Variants in NUBPL observed in about 807,000 individuals in gnomAD.
NUBPL encodes iron-sulfur cluster transfer protein NUBPL.
In NUBPL, 31 loss-of-function variants were observed where a neutral mutation model predicts 45.7. That is an observed-to-expected ratio of 0.68 (90% CI 0.51 to 0.92). The LOEUF is 0.92. Ranked by LOEUF, NUBPL falls within the 40% of genes least tolerant of loss-of-function variation. NUBPL has a pLI of 0.00. For missense variants in NUBPL, 401 were observed against 398.7 expected, an observed-to-expected ratio of 1.01 and a Z score of -0.05; for synonymous variants, 144 against 140.9, an observed-to-expected ratio of 1.02 and a Z score of -0.15.
Position 31,833,932 on chromosome 14 carries a change from A to G in NUBPL, c.693+7218A>G, listed in dbSNP as rs145280381. On this transcript the variant is annotated intron_variant, in intron 8 of 10. Transcript: ENST00000281081. Reference sequence around the variant, plus strand: ...TTAGTTGTGTGCCAAGGAAGATGAGATCATGAATTTTGGTGAGCAGCTAGC... The same window carrying G: ...TTAGTTGTGTGCCAAGGAAGATGAGGTCATGAATTTTGGTGAGCAGCTAGC... 2.4e-4 allele frequency among the ~76,000 whole-genome samples: 36 copies of G among 152,290 alleles called. No individual in the cohort carries two copies. The East Asian group carries it at 5.0e-3, about 21-fold the overall frequency.
rs189356546 is a variant in NUBPL, at chr14:31,716,431, T to C, written c.513+42857T>C. ...TTTGTTTATACCAGCATAACCACACTTATGAGTAATTTGTTGTGCTATGAT... is the reference window on the plus strand; with the variant it reads ...TTTGTTTATACCAGCATAACCACACCTATGAGTAATTTGTTGTGCTATGAT... On this transcript the variant is annotated intron_variant, in intron 6 of 10. Transcript: ENST00000281081. Among the ~76,000 whole-genome samples, 16 of 152,296 alleles carry C rather than the reference T, an allele frequency of 1.1e-4. No individual in the cohort carries two copies. In the East Asian group the frequency reaches 2.1e-3, roughly 20 times the overall value.
chr14:31,568,956 T>C (rs1548057), intron 3 of NUBPL, among the ~76,000 whole-genome samples: 80,582 of 152,034 alleles, frequency 0.53, 22,304 homozygotes, highest in African/African-American at 0.7. Flanking sequence ...TAATTTTTAT[T>C]TTAATATTTG....
At chr14:31,787,667 T>C (rs1248962489) in intron 6 of NUBPL, 113 bp from the exon 7 acceptor site, 5 of 741,740 alleles carry the variant, frequency 6.7e-6, no homozygotes, top group Non-Finnish European at 1.2e-5. Context: ...TACCTAGCAA[T>C]GGCTCAAGCG....
rs181684362 is a variant in NUBPL at position 31,572,643 on chromosome 14, C to T, written c.291+7595C>T. ...TGGTATGGGATGGAGGTGTTTGTTG[C>T]GACTTAGTGGCCTACACACTGTTCT... On this transcript the variant is annotated intron_variant, in intron 3 of 10. Transcript: ENST00000281081. Among the ~76,000 whole-genome samples the T allele has an allele frequency of 2.7e-4, 41 of 152,178 alleles. No homozygotes were observed. In the East Asian group the frequency reaches 6.8e-3, roughly 25 times the overall value.
chr14:31,759,993 T>C (rs1193333004), intron 6 of NUBPL, among the ~76,000 whole-genome samples: 2 of 151,552 alleles, frequency 1.3e-5, no homozygotes, highest in Admixed American at 1.3e-4. Context: ...TATGGGTTTT[T>C]TGGGACATAA....
At chr14:31,659,232 T>G (rs182855566) in intron 4 of NUBPL, among the ~76,000 whole-genome samples, 1 of 152,350 alleles carries the variant, frequency 6.6e-6, no homozygotes, top group African/African-American at 2.4e-5. Context: ...TACTGGTTTT[T>G]GTTTTTTGGA....
intron 7 of NUBPL, among the ~76,000 whole-genome samples, chr14:31,821,369 T>G (rs552997083): frequency 5.3e-5 from 8 of 152,262 alleles, no homozygotes; most frequent in Non-Finnish European, 1.2e-4. Context: ...TGTTTAAAAA[T>G]TGGCAAAAGA....
intron 6 of NUBPL, among the ~76,000 whole-genome samples, chr14:31,688,379 CA>C (rs2037004797): frequency 6.6e-6 from 1 of 151,824 alleles, no homozygotes; most frequent in Non-Finnish European, 1.5e-5. Flanking sequence ...AGTTTGAGAC[CA>C]GCCTGGCCAA....
At chr14:31,804,808 T>A (rs1431174514) in intron 7 of NUBPL, among the ~76,000 whole-genome samples, 1 of 152,100 alleles carries the variant, frequency 6.6e-6, no homozygotes, top group East Asian at 1.9e-4. Context: ...AAGACTTAAA[T>A]GTAAAACCCA....
At chr14:31,785,499 C>T (rs899052667) in intron 6 of NUBPL, among the ~76,000 whole-genome samples, 2 of 152,120 alleles carry the variant, frequency 1.3e-5, no homozygotes, top group African/African-American at 2.4e-5. Flanking sequence ...AAATGTAAAT[C>T]GCTTGAATCA....
intron 6 of NUBPL, among the ~76,000 whole-genome samples, chr14:31,712,743 A>G (rs2037605352): frequency 6.6e-6 from 1 of 152,256 alleles, no homozygotes; most frequent in Non-Finnish European, 1.5e-5. Flanking sequence ...CTCTCTGCAC[A>G]GAAAACCAGT....
At chr14:31,676,724 G>A (rs1022716535) in intron 6 of NUBPL, among the ~76,000 whole-genome samples, 6 of 151,140 alleles carry the variant, frequency 4.0e-5, no homozygotes, top group Admixed American at 2.6e-4. Context: ...CTTTTGTGAC[G>A]TGTCTGTTCA....
chr14:31,605,829 T>C (rs1293098942), intron 4 of NUBPL, among the ~76,000 whole-genome samples: 9 of 144,086 alleles, frequency 6.2e-5, no homozygotes, highest in Middle Eastern at 3.7e-3. Flanking sequence ...TCCTTTCTCG[T>C]CTCCTCCTTT....
At chr14:31,721,586 A>G (rs186875049) in intron 6 of NUBPL, among the ~76,000 whole-genome samples, 45 of 151,714 alleles carry the variant, frequency 3.0e-4, no homozygotes, top group African/African-American at 1.1e-3. Context: ...AAGGGACTCT[A>G]TTACACCTCA....
At chr14:31,578,081 A>G (rs956949330) in intron 3 of NUBPL, 2 of 760,288 alleles carry the variant, frequency 2.6e-6, no homozygotes, top group Non-Finnish European at 4.0e-6. Flanking sequence ...TTTTGAATGC[A>G]TTACTGGGTT....
At chr14:31,708,128 C>A (rs1176461274) in intron 6 of NUBPL, among the ~76,000 whole-genome samples, 1 of 152,172 alleles carries the variant, frequency 6.6e-6, no homozygotes, top group Non-Finnish European at 1.5e-5. Context: ...GAATTACTGC[C>A]TCATTGATGA....
At chr14:31,668,325 C>T (rs2036487746) in intron 4 of NUBPL, among the ~76,000 whole-genome samples, 1 of 152,186 alleles carries the variant, frequency 6.6e-6, no homozygotes, top group Non-Finnish European at 1.5e-5. Flanking sequence ...GGGTTTCACC[C>T]AGTCTGAACT....
chr14:31,757,328 T>G (rs2038690724), intron 6 of NUBPL, among the ~76,000 whole-genome samples: 1 of 151,180 alleles, frequency 6.6e-6, no homozygotes, highest in East Asian at 1.9e-4. Flanking sequence ...ATCCATCTGG[T>G]CCTGGACTCT....
chr14:31,568,354 G>A (rs775709802), intron 3 of NUBPL, among the ~76,000 whole-genome samples: 7 of 152,036 alleles, frequency 4.6e-5, no homozygotes, highest in South Asian at 4.2e-4. Flanking sequence ...GAAAAAAAAA[G>A]TGCAGCTCGC....
Sources: allele counts gnomAD v4.1 joint callset (sites outside exome capture counted in the v4.1 genomes callset), GRCh38; gene constraint gnomAD v4.1.1; transcripts MANE v1.5; gene names NCBI Gene and HGNC (gene_info 2026-07-23, HGNC 2026-07-21).